Variants in THNSL1 observed in about 807,000 individuals in gnomAD.
THNSL1 encodes the protein threonine synthase like 1.
A neutral mutation model predicts 50.4 loss-of-function variants in THNSL1; 48 were observed. The observed-to-expected ratio is 0.95, with a 90% CI of 0.76 to 1.21. THNSL1 has a LOEUF of 1.21. THNSL1 is among the 50% of genes most tolerant of loss of function. THNSL1 has a pLI of 0.00. For missense variants in THNSL1, 896 were observed against 871.7 expected, an observed-to-expected ratio of 1.03 and a Z score of -0.35; for synonymous variants, 309 against 306.1, an observed-to-expected ratio of 1.01 and a Z score of -0.10.
chr10:24,993,917 G>C, the THNSL1 span, among the ~76,000 whole-genome samples: 2 of 152,158 alleles, frequency 1.3e-5, no homozygotes, highest in African/African-American at 4.8e-5. Flanking sequence ...AGAAATAATG[G>C]ACTGGAAGTG....
At chr10:25,006,525 T>C in the THNSL1 span, among the ~76,000 whole-genome samples, 1 of 152,194 alleles carries the variant, frequency 6.6e-6, no homozygotes, top group South Asian at 2.1e-4. Flanking sequence ...TCAAATTTGT[T>C]TCAGACTTTA....
chr10:25,024,507 A>C lies in THNSL1; in HGVS notation c.1284A>C (p.Gly428=), dbSNP rs1336564680. 6.2e-7 allele frequency: 1 copy of C among 1,614,202 alleles called. No individual in the cohort carries two copies. Residue 428 remains glycine, a synonymous_variant, in exon 3 of 3, where the codon GGA becomes GGC. Transcript: ENST00000376356. ...AQIIGSQREN[G]WAVGVESDFD... The stretch of plus-strand genomic sequence containing the variant: ...TAATTGGCAGTCAGAGAGAAAATGG[A>C]TGGGCAGTGGGTGTTGAGTCAGATT...
chr10:25,001,138 C>T, the THNSL1 span, among the ~76,000 whole-genome samples: 1 of 151,948 alleles, frequency 6.6e-6, no homozygotes, highest in Middle Eastern at 3.4e-3. Flanking sequence ...CATATATTTG[C>T]CATTTCCAGT....
chr10:25,020,238 A>ATTATATC (rs1554772121), intron 1 of THNSL1, among the ~76,000 whole-genome samples: 2 of 126,634 alleles, frequency 1.6e-5, no homozygotes, highest in African/African-American at 5.2e-5. Flanking sequence ...TTTCTTTAAA[A>ATTATATC]TATATCTATA....
At chr10:25,005,230 A>C in the THNSL1 span, among the ~76,000 whole-genome samples, 574 of 152,288 alleles carry the variant, frequency 3.8e-3, 2 homozygotes, top group Non-Finnish European at 7.2e-3. Flanking sequence ...TATTATTAGA[A>C]TTATGAGATA....
the THNSL1 span, among the ~76,000 whole-genome samples, chr10:25,009,941 T>C: frequency 1.3e-5 from 2 of 152,236 alleles, no homozygotes; most frequent in Non-Finnish European, 2.9e-5. Context: ...CTTGGGTATG[T>C]ACTTATCAGT....
At chr10:24,971,373 G>A in the THNSL1 span, among the ~76,000 whole-genome samples, 1 of 152,092 alleles carries the variant, frequency 6.6e-6, no homozygotes, top group Non-Finnish European at 1.5e-5. Context: ...CCAAAGTGTT[G>A]TGATTACAGG....
rs7086282 is a variant in THNSL1 at position 25,024,889 on chromosome 10, C to G, written c.1666C>G (p.Leu556Val). ...ACATTATGATCTAAGGGAAAGAAAA[C>G]TAGCACAAACCTTTTCACCGTCAAT... ...TGHYDLRERKLAQTFSPSIDI... is the reference protein window; with the variant it reads ...TGHYDLRERKVAQTFSPSIDI... The change falls in exon 3 of 3, where the codon CTA becomes GTA. Residue 556 changes from leucine to valine, a missense_variant. By Grantham distance (32) the Leu-to-Val change is conservative (BLOSUM62 1). Transcript: ENST00000376356. 13 of 1,613,588 alleles carry G rather than the reference C, an allele frequency of 8.1e-6. No homozygotes were observed. The highest frequency in any genetic ancestry group is 1.1e-5 in the Non-Finnish European group (13 of 1,179,964).
At chr10:24,966,585 T>C in the THNSL1 span, among the ~76,000 whole-genome samples, 2 of 152,224 alleles carry the variant, frequency 1.3e-5, no homozygotes, top group African/African-American at 4.8e-5. Flanking sequence ...ACTCCACATG[T>C]GTAAGGATTA....
chr10:24,961,905 A>G, the THNSL1 span, among the ~76,000 whole-genome samples: 3 of 152,014 alleles, frequency 2.0e-5, no homozygotes, highest in Non-Finnish European at 4.4e-5. Context: ...TCTTTGCTTT[A>G]TTTTTCGTAT....
chr10:25,016,085 A>G, upstream of THNSL1: 1 of 1,351,598 alleles, frequency 7.4e-7, no homozygotes, highest in Non-Finnish European at 9.5e-7. Flanking sequence ...TCCCCCTTTA[A>G]CCCCCTCTTA....
the THNSL1 span, among the ~76,000 whole-genome samples, chr10:24,966,512 C>T: frequency 6.6e-6 from 1 of 152,212 alleles, no homozygotes; most frequent in Admixed American, 6.5e-5. Flanking sequence ...GGGCTGCAAG[C>T]CTGGTGCCCC....
At chr10:25,016,232 CCCTCTTT>C (rs1473377815), upstream of THNSL1, 101 of 1,072,956 alleles carry the variant, frequency 9.4e-5, no homozygotes, top group East Asian at 4.6e-3. Context: ...CTCCCCTCTT[CCCTCTTT>C]CTGCAGCGCC....
the THNSL1 span, among the ~76,000 whole-genome samples, chr10:25,009,751 T>C: frequency 6.6e-6 from 1 of 152,152 alleles, no homozygotes; most frequent in African/African-American, 2.4e-5. Context: ...GTTCTTGGGA[T>C]AGTGAATAAG....
the THNSL1 span, among the ~76,000 whole-genome samples, chr10:25,002,000 C>A: frequency 6.6e-6 from 1 of 151,994 alleles, no homozygotes; most frequent in East Asian, 1.9e-4. Context: ...CTTTAAATTT[C>A]TTCCTTAGCT....
the THNSL1 span, chr10:24,983,511 G>A: frequency 6.6e-6 from 1 of 152,060 alleles, no homozygotes; most frequent in Non-Finnish European, 1.5e-5. Flanking sequence ...AACCATTCTT[G>A]GTAAGTGAGA....
At chr10:24,955,831 T>C in the THNSL1 span, among the ~76,000 whole-genome samples, 3 of 151,988 alleles carry the variant, frequency 2.0e-5, no homozygotes, top group African/African-American at 4.8e-5. Context: ...CCTGTAGACC[T>C]AGCTACTGGG....
At chr10:24,964,391 T>G in the THNSL1 span, among the ~76,000 whole-genome samples, 8 of 152,210 alleles carry the variant, frequency 5.3e-5, no homozygotes, top group Non-Finnish European at 1.2e-4. Context: ...TTTGTGTGTG[T>G]GGGTTCTTTC....
intron 2 of THNSL1, 57 bp from the exon 3 acceptor site, chr10:25,023,119 G>GT: frequency 2.7e-6 from 3 of 1,105,748 alleles, no homozygotes; most frequent in Non-Finnish European, 3.8e-6. Flanking sequence ...ACAATCTACT[G>GT]TAATTAGTAA....
Sources: gnomAD v4.1 joint callset for allele counts (sites outside exome capture counted in the v4.1 genomes callset) on GRCh38, gnomAD v4.1.1 for gene constraint, MANE v1.5 for transcripts, NCBI Gene and HGNC (gene_info 2026-07-23, HGNC 2026-07-21) for gene names.